Variants in PIBF1 observed in about 807,000 individuals in gnomAD.
The protein encoded by PIBF1 is progesterone-induced-blocking factor 1.
In PIBF1, 90 loss-of-function variants were observed where a neutral mutation model predicts 112.5. The ratio of observed to expected loss-of-function variants is 0.80; its 90% CI spans 0.67 to 0.95. The LOEUF (loss-of-function observed/expected upper bound fraction) is 0.95, where lower values mean the gene tolerates loss of function less well. PIBF1 is among the 40% of genes least tolerant of loss of function. The pLI, the probability that PIBF1 is intolerant of heterozygous loss-of-function variation, is 0.00. For synonymous variants in PIBF1, 301 were observed against 288.6 expected (o/e 1.04, Z -0.44); for missense variants, 915 against 852.3 (o/e 1.07, Z -0.92).
chr13:72,834,362 C>T (rs574412262), intron 8 of PIBF1, among the ~76,000 whole-genome samples: 52 of 152,258 alleles, frequency 3.4e-4, no homozygotes, highest in African/African-American at 1.2e-3. Flanking sequence ...CAGTGGCTCA[C>T]ACCTGTAATC....
intron 10 of PIBF1, among the ~76,000 whole-genome samples, chr13:72,882,719 A>G (rs2039691988): frequency 6.6e-6 from 1 of 152,224 alleles, no homozygotes; most frequent in African/African-American, 2.4e-5. Context: ...AGAGAAATGC[A>G]AATCAAAACT....
intron 5 of PIBF1, among the ~76,000 whole-genome samples, chr13:72,809,696 T>C (rs2035914583): frequency 6.6e-6 from 1 of 150,980 alleles, no homozygotes; most frequent in Non-Finnish European, 1.5e-5. Flanking sequence ...TTCAAGCAAT[T>C]CTCCTGCCTC....
chr13:72,803,447 C>T (rs1193646455), intron 5 of PIBF1, among the ~76,000 whole-genome samples: 1 of 151,822 alleles, frequency 6.6e-6, no homozygotes, highest in Admixed American at 6.6e-5. Flanking sequence ...TAGTGCTATC[C>T]GTGTAATAAA....
At chr13:72,792,575 A>G (rs776141492) in intron 3 of PIBF1, 28 bp downstream of exon 3, 3 of 1,154,594 alleles carry the variant, frequency 2.6e-6, no homozygotes, top group Non-Finnish European at 3.7e-6. Flanking sequence ...TAAAAAAAAA[A>G]CAACATCTAT....
chr13:72,848,583 C>A (rs186542368), intron 9 of PIBF1, among the ~76,000 whole-genome samples: 29 of 152,154 alleles, frequency 1.9e-4, no homozygotes, highest in African/African-American at 5.8e-4. Context: ...CGGTGGCTCA[C>A]GCCTGTAGTC....
intron 12 of PIBF1, among the ~76,000 whole-genome samples, chr13:72,913,439 G>A (rs1337000432): frequency 1.3e-5 from 2 of 152,036 alleles, no homozygotes; most frequent in Non-Finnish European, 2.9e-5. Context: ...TCATGGAAAC[G>A]GGTGGATATA....
chr13:72,987,332 C>T (rs1416582603), intron 16 of PIBF1, among the ~76,000 whole-genome samples: 5 of 142,992 alleles, frequency 3.5e-5, no homozygotes, highest in African/African-American at 1.0e-4. Context: ...CTTTTTGAAA[C>T]GGGAGTGTTT....
At chr13:72,963,737 A>G (rs1380059932) in intron 14 of PIBF1, among the ~76,000 whole-genome samples, 1 of 152,178 alleles carries the variant, frequency 6.6e-6, no homozygotes, top group African/African-American at 2.4e-5. Flanking sequence ...CTCAGCAACA[A>G]CAACAAGAAA....
Position 72,835,325 on chromosome 13 carries a change from C to G in PIBF1, c.1180C>G (p.Gln394Glu), listed in dbSNP as rs140502969. The G allele has an allele frequency of 3.1e-6, 5 of 1,591,008 alleles. No homozygotes were observed. In the African/African-American group the frequency reaches 6.8e-5, roughly 22 times the overall value. ...ATTGAAAACCAACCAAGAAATTGAT[C>G]AACTTCGAAATGCCTCTAGGGAAAT... ...IRLKTNQEID[Q>E]LRNASREMYE... The change falls in exon 9 of 18, where the codon CAA (glutamine) becomes GAA (glutamate). Residue 394 changes from glutamine to glutamate, a missense_variant. Transcript: ENST00000326291.
intron 14 of PIBF1, among the ~76,000 whole-genome samples, chr13:72,942,220 T>C (rs1009643960): frequency 7.5e-5 from 11 of 147,330 alleles, no homozygotes; most frequent in Admixed American, 2.1e-4. Context: ...AATCTAGATC[T>C]GATTAAATTT....
Position 73,015,309 on chromosome 13 carries a change from T to G in PIBF1, c.2224-560T>G, listed in dbSNP as rs543255474. On this transcript the variant is annotated intron_variant, in intron 17 of 17. Transcript: ENST00000326291. ...GCCCAGCCAAAATAGGAACTTTGAC[T>G]GGAATCAGTGAAGTTCTGAATGTTT... is the stretch of plus-strand genomic sequence containing the variant. Among the ~76,000 whole-genome samples, 5 of 152,350 alleles carry G rather than the reference T, an allele frequency of 3.3e-5. No individual in the cohort carries two copies. In the South Asian group the frequency reaches 1.0e-3, roughly 32 times the overall value.
intron 9 of PIBF1, 103 bp from the exon 10 acceptor site, chr13:72,853,954 A>C (rs146634064): frequency 4.5e-6 from 4 of 881,478 alleles, no homozygotes; most frequent in Non-Finnish European, 7.2e-6. Context: ...TGGGTCCCCA[A>C]CTTCTCAGAT....
intron 14 of PIBF1, among the ~76,000 whole-genome samples, chr13:72,947,159 G>A (rs1209398735): frequency 6.6e-6 from 1 of 152,226 alleles, no homozygotes; most frequent in Non-Finnish European, 1.5e-5. Context: ...CCAAACCTCA[G>A]TTCTTAACTT....
Position 72,917,089 on chromosome 13 carries a change from T to G in PIBF1, c.1653T>G (p.Asp551Glu). Residue 551 changes from aspartate to glutamate, a missense_variant, in exon 13 of 18, where the codon GAT becomes GAG. Physicochemically the swap from Asp to Glu is conservative, Grantham distance 45. Coordinates refer to ENST00000326291, the MANE Select transcript of PIBF1 (RefSeq NM_006346.4). The part of the protein sequence containing the change: ...IMQTAEIENE[D>E]EAERVLFSYG... Reference sequence around the variant, plus strand: ...AATATTTTCCAGTTGAAAATGAAGATGAGGCTGAAAGGGTTCTTTTTTCCT... The same window carrying G: ...AATATTTTCCAGTTGAAAATGAAGAGGAGGCTGAAAGGGTTCTTTTTTCCT... 1 of 1,584,052 alleles carries G rather than the reference T, an allele frequency of 6.3e-7. No individual in the cohort carries two copies. Among genetic ancestry groups the G allele is most frequent in the Non-Finnish European group, 8.6e-7 (1 of 1,164,806 alleles).
intron 7 of PIBF1, 70 bp downstream of exon 7, chr13:72,827,188 T>G: frequency 1.6e-6 from 1 of 616,254 alleles, no homozygotes; most frequent in Non-Finnish European, 2.6e-6. Context: ...CCAGAGTAGA[T>G]TTGAAGGAGA....
At position 72,939,411 on chromosome 13, in the gene PIBF1, C is replaced by A. The variant is rs184693994; in HGVS notation, c.1833+8144C>A. On this transcript the variant is annotated intron_variant, in intron 14 of 17. Coordinates refer to ENST00000326291, the MANE Select transcript of PIBF1 (RefSeq NM_006346.4). Reference sequence around the variant, plus strand: ...CCTCTTTGCCCCCACCCTCTGACAACTGCCAAATCACTTTATTTCTGTGGA... The same window carrying A: ...CCTCTTTGCCCCCACCCTCTGACAAATGCCAAATCACTTTATTTCTGTGGA... Among the ~76,000 whole-genome samples the A allele has an allele frequency of 2.2e-3, 335 of 152,254 alleles. 1 individual carries two copies. The highest frequency in any genetic ancestry group is 0.017 in the Middle Eastern group (5 of 294).
At chr13:72,791,035 ATTTTTGTT>A (rs1555281346) in intron 2 of PIBF1, among the ~76,000 whole-genome samples, 2 of 115,728 alleles carry the variant, frequency 1.7e-5, no homozygotes, top group African/African-American at 3.5e-5. Context: ...AAATTCATGT[ATTTTTGTT>A]TGTTTGTTTG....
chr13:73,000,200 C>T (rs2043811564), intron 17 of PIBF1, among the ~76,000 whole-genome samples: 1 of 152,206 alleles, frequency 6.6e-6, no homozygotes, highest in African/African-American at 2.4e-5. Context: ...AGTACATCAG[C>T]TTCTCTTTGT....
At chr13:72,796,524 G>A (rs75034450) in intron 4 of PIBF1, among the ~76,000 whole-genome samples, 16,809 of 152,114 alleles carry the variant, frequency 0.11, 1,267 homozygotes, top group Non-Finnish European at 0.17. Flanking sequence ...TTAGAAGATA[G>A]TAAACACATA....
Sources: gnomAD v4.1 joint callset for allele counts (sites outside exome capture counted in the v4.1 genomes callset) on GRCh38, gnomAD v4.1.1 for gene constraint, MANE v1.5 for transcripts, NCBI Gene and HGNC (gene_info 2026-07-23, HGNC 2026-07-21) for gene names.